The following EVI5 variants were observed in gnomAD, a reference collection of about 807,000 sequenced individuals.
EVI5 encodes ecotropic viral integration site 5 protein homolog.
Under a neutral mutation model 112.0 loss-of-function variants are expected in EVI5, and 73 were observed. The ratio of observed to expected loss-of-function variants is 0.65; its 90% CI spans 0.54 to 0.79. EVI5 has a LOEUF of 0.79. EVI5 is among the 30% of genes least tolerant of loss of function. The pLI is 0.00. For synonymous variants in EVI5, 305 were observed against 319.9 expected (o/e 0.95, Z 0.50); for missense variants, 900 against 968.8 (o/e 0.93, Z 0.94).
chr1:92,531,310 G>T (rs1231722346), intron 19 of EVI5, among the ~76,000 whole-genome samples: 1 of 152,118 alleles, frequency 6.6e-6, no homozygotes. Context: ...ATCTACGTTT[G>T]ACTGGTGTAC....
intron 10 of EVI5, among the ~76,000 whole-genome samples, chr1:92,672,753 C>T (rs926383360): frequency 6.6e-6 from 1 of 152,122 alleles, no homozygotes; most frequent in Non-Finnish European, 1.5e-5. Context: ...TTGAATAAAT[C>T]AGGCTAGCAT....
intron 2 of EVI5, among the ~76,000 whole-genome samples, chr1:92,726,861 C>T (rs1183256362): frequency 6.6e-6 from 1 of 152,048 alleles, no homozygotes; most frequent in Admixed American, 6.6e-5. Flanking sequence ...CAAAGTCAGA[C>T]TGATAAGTTA....
rs1685174193 is a variant in EVI5 at position 92,783,597 on chromosome 1, A to AG, written c.-82+1238dup. Among the ~76,000 whole-genome samples the AG allele has an allele frequency of 3.3e-5, 5 of 151,832 alleles. No individual in the cohort carries two copies. The South Asian group carries it at 1.0e-3, about 32-fold the overall frequency. ...GGGAGGCTGAGGCGGGTGGAACACG[A>AG]GGTCAAGAGATCAAGACCATCGTGG... On this transcript the variant is annotated intron_variant, in intron 1 of 19. Coordinates refer to ENST00000684568, the MANE Select transcript of EVI5 (RefSeq NM_001350197.2).
chr1:92,668,461 T>G (rs990373125), intron 10 of EVI5, among the ~76,000 whole-genome samples: 10 of 152,204 alleles, frequency 6.6e-5, no homozygotes, highest in African/African-American at 2.4e-4. Flanking sequence ...AAAGGTAATG[T>G]TTTATCTTAA....
chr1:92,673,385 T>A (rs1353810689), intron 10 of EVI5, among the ~76,000 whole-genome samples: 1 of 152,116 alleles, frequency 6.6e-6, no homozygotes, highest in African/African-American at 2.4e-5. Context: ...AAGCACAAAT[T>A]TAAATATAAA....
At chr1:92,534,171 C>T (rs959437244) in intron 19 of EVI5, among the ~76,000 whole-genome samples, 4 of 152,140 alleles carry the variant, frequency 2.6e-5, no homozygotes, top group African/African-American at 9.7e-5. Context: ...TGAGTGAACT[C>T]CCATTCATAA....
intron 16 of EVI5, among the ~76,000 whole-genome samples, chr1:92,612,824 G>T (rs1367965862): frequency 6.6e-6 from 1 of 151,814 alleles, no homozygotes; most frequent in Non-Finnish European, 1.5e-5. Context: ...AGGCAGATAC[G>T]GCCACAAGCT....
At chr1:92,550,781 A>T (rs867933412) in intron 19 of EVI5, among the ~76,000 whole-genome samples, 61 of 20,280 alleles carry the variant, frequency 3.0e-3, no homozygotes, top group Admixed American at 6.0e-3. Flanking sequence ...AAAAAAAAAA[A>T]ATATATATAT....
intron 10 of EVI5, among the ~76,000 whole-genome samples, chr1:92,674,220 T>C (rs1252606566): frequency 1.3e-5 from 2 of 152,190 alleles, no homozygotes; most frequent in African/African-American, 4.8e-5. Context: ...AAGGTGGTCA[T>C]CTGATCATGA....
intron 1 of EVI5, among the ~76,000 whole-genome samples, chr1:92,743,728 T>G (rs1558187484): frequency 6.6e-6 from 1 of 152,216 alleles, no homozygotes; most frequent in Non-Finnish European, 1.5e-5. Flanking sequence ...TTGACATTAG[T>G]AATTTGTGTC....
chr1:92,730,407 T>C (rs1388525704), intron 2 of EVI5, among the ~76,000 whole-genome samples: 2 of 151,838 alleles, frequency 1.3e-5, no homozygotes, highest in Non-Finnish European at 2.9e-5. Context: ...GGAAAGCGGC[T>C]GGTCACAGTG....
chr1:92,725,281 G>A (rs932259255), intron 2 of EVI5, among the ~76,000 whole-genome samples: 4 of 152,110 alleles, frequency 2.6e-5, no homozygotes, highest in Non-Finnish European at 5.9e-5. Context: ...ATCCTCACCA[G>A]CCAGACTGGA....
intron 19 of EVI5, among the ~76,000 whole-genome samples, chr1:92,546,569 G>A (rs532671712): frequency 2.3e-4 from 35 of 152,152 alleles, no homozygotes; most frequent in South Asian, 1.7e-3. Context: ...GGTGGCACAC[G>A]CATGTAATAC....
intron 13 of EVI5, among the ~76,000 whole-genome samples, chr1:92,651,667 C>T (rs866630382): frequency 1.4e-5 from 2 of 142,776 alleles, no homozygotes; most frequent in South Asian, 2.4e-4. Context: ...CCGGCTAAAA[C>T]GGTGAAACCC....
chr1:92,588,788 T>C (rs1165921083), intron 18 of EVI5, among the ~76,000 whole-genome samples: 2 of 152,358 alleles, frequency 1.3e-5, no homozygotes, highest in East Asian at 3.9e-4. Context: ...CTTAATCTGT[T>C]CTTCACATGT....
rs956727957 is a variant in EVI5, at chr1:92,738,925, A to C, written c.-81-2298T>G. Among the ~76,000 whole-genome samples, 9 of 152,298 alleles carry C rather than the reference A, an allele frequency of 5.9e-5. 1 individual carries two copies. The highest frequency in any genetic ancestry group is 3.9e-4 in the Admixed American group (6 of 15,284). Reference sequence around the variant, plus strand: ...TATAAACAAATCTGACAATGTAAATATGTCACAAAGTTCCTGTCTATCTCA... The same window carrying C: ...TATAAACAAATCTGACAATGTAAATCTGTCACAAAGTTCCTGTCTATCTCA... On this transcript the variant is annotated intron_variant, in intron 1 of 19. Coordinates refer to ENST00000684568, the MANE Select transcript of EVI5 (RefSeq NM_001350197.2).
intron 2 of EVI5, among the ~76,000 whole-genome samples, chr1:92,709,813 T>C (rs1033497039): frequency 1.3e-5 from 2 of 152,094 alleles, no homozygotes; most frequent in Admixed American, 6.6e-5. Context: ...TTATTCCTTA[T>C]TGCTAAACGT....
At chr1:92,636,755 T>C (rs1350804664) in intron 13 of EVI5, among the ~76,000 whole-genome samples, 1 of 152,192 alleles carries the variant, frequency 6.6e-6, no homozygotes, top group Non-Finnish European at 1.5e-5. Context: ...AAGTTATAAG[T>C]ATAAAATACA....
chr1:92,688,462 A>C (rs1668934760), intron 9 of EVI5, among the ~76,000 whole-genome samples: 1 of 152,238 alleles, frequency 6.6e-6, no homozygotes, highest in South Asian at 2.1e-4. Flanking sequence ...GGAGCAAGTC[A>C]TTCTGAAATT....
Sources: gnomAD v4.1 joint callset for allele counts (sites outside exome capture counted in the v4.1 genomes callset) on GRCh38, gnomAD v4.1.1 for gene constraint, MANE v1.5 for transcripts, NCBI Gene and HGNC (gene_info 2026-07-23, HGNC 2026-07-21) for gene names.